The following KLHL32 variants were observed in gnomAD, a reference collection of about 807,000 sequenced individuals.
KLHL32 encodes kelch-like protein 32.
A neutral mutation model predicts 64.8 loss-of-function variants in KLHL32; 35 were observed. That is an observed-to-expected ratio of 0.54 (90% CI 0.41 to 0.72). The LOEUF (loss-of-function observed/expected upper bound fraction) is 0.72. Among genes scored for constraint, KLHL32 ranks in the 30% least tolerant of loss-of-function variants. The pLI, the probability that KLHL32 is intolerant of heterozygous loss-of-function variation, is 0.00. For synonymous variants in KLHL32, 259 were observed against 281.0 expected (o/e 0.92, Z 0.78); for missense variants, 589 against 768.5 (o/e 0.77, Z 2.76).
intron 3 of KLHL32, among the ~76,000 whole-genome samples, chr6:97,002,017 T>C (rs531701817): frequency 8.6e-4 from 131 of 152,300 alleles, no homozygotes; most frequent in African/African-American, 3.1e-3. Context: ...AGAACTGGCT[T>C]ACATGATTAT....
At position 97,106,062 on chromosome 6, in the gene KLHL32, T is replaced by C. The variant is rs546796903; in HGVS notation, c.628-7721T>C. The stretch of plus-strand genomic sequence containing the variant: ...AATATATATGGATATATACAAGCAG[T>C]TGGAATTCAAAACATCCACTTCTTT... On this transcript the variant is annotated intron_variant, in intron 6 of 10. Coordinates refer to ENST00000369261, the MANE Select transcript of KLHL32 (RefSeq NM_052904.4). Among the ~76,000 whole-genome samples the C allele has an allele frequency of 3.6e-4, 55 of 152,314 alleles. 2 individuals carry two copies. In the South Asian group the frequency reaches 0.011, roughly 32 times the overall value.
At chr6:97,127,143 G>C (rs898836506) in intron 7 of KLHL32, among the ~76,000 whole-genome samples, 1 of 152,194 alleles carries the variant, frequency 6.6e-6, no homozygotes, top group Non-Finnish European at 1.5e-5. Flanking sequence ...TGGCCATGCA[G>C]AACAGCTTGT....
At chr6:96,944,305 T>G (rs1263822797) in intron 1 of KLHL32, among the ~76,000 whole-genome samples, 1 of 152,246 alleles carries the variant, frequency 6.6e-6, no homozygotes, top group Non-Finnish European at 1.5e-5. Context: ...ATATTTGTTC[T>G]TGTTTTATTC....
intron 2 of KLHL32, among the ~76,000 whole-genome samples, chr6:96,970,427 G>T (rs1437678644): frequency 6.6e-6 from 1 of 152,144 alleles, no homozygotes; most frequent in Non-Finnish European, 1.5e-5. Flanking sequence ...AGCATTTGCT[G>T]TTCTCCTGCC....
Position 97,139,510 on chromosome 6 carries a change from G to A in KLHL32, c.*228G>A, listed in dbSNP as rs987688095. ...ATGACTTTTATTGTGGTATAGCTTA[G>A]TGCCAATTTAAGGTATATTGTGTTC... On this transcript the variant is annotated 3_prime_UTR_variant, in exon 11 of 11. Coordinates refer to ENST00000369261, the MANE Select transcript of KLHL32 (RefSeq NM_052904.4). 49 of 473,098 alleles carry A rather than the reference G, an allele frequency of 1.0e-4. No homozygotes were observed. The highest frequency in any genetic ancestry group is 1.5e-4 in the South Asian group (5 of 34,338). The allele number at this position is 473,098 out of a possible 1,614,324, so 29.3% of individuals were successfully genotyped here. A position where few individuals can be genotyped will look rare whatever the true frequency, so the allele number is the denominator to read the frequency against.
chr6:96,904,325 G>A, the KLHL32 span, among the ~76,000 whole-genome samples: 1 of 107,756 alleles, frequency 9.3e-6, no homozygotes. Flanking sequence ...CTGGGCAACA[G>A]AGCAAGACTT....
intron 3 of KLHL32, among the ~76,000 whole-genome samples, chr6:97,023,232 A>G (rs1036801322): frequency 2.0e-5 from 3 of 152,224 alleles, no homozygotes; most frequent in African/African-American, 7.2e-5. Flanking sequence ...AAAAGCCACA[A>G]TTTAGGTTTT....
intron 3 of KLHL32, among the ~76,000 whole-genome samples, chr6:96,995,462 A>G (rs114302305): frequency 2.6e-5 from 4 of 152,208 alleles, no homozygotes; most frequent in African/African-American, 4.8e-5. Context: ...AGATGACTCC[A>G]TGACTAACTT....
intron 3 of KLHL32, among the ~76,000 whole-genome samples, chr6:97,001,896 G>A (rs1021317531): frequency 2.0e-5 from 3 of 152,176 alleles, no homozygotes; most frequent in African/African-American, 4.8e-5. Context: ...TAAGAAGAGC[G>A]TTATACTGAT....
At chr6:97,035,525 G>A (rs187042961) in intron 3 of KLHL32, among the ~76,000 whole-genome samples, 1 of 152,218 alleles carries the variant, frequency 6.6e-6, no homozygotes, top group African/African-American at 2.4e-5. Context: ...AGGTCTAGGA[G>A]TGACAAACTC....
chr6:97,129,808 G>T (rs1799242960), intron 8 of KLHL32, among the ~76,000 whole-genome samples: 1 of 152,114 alleles, frequency 6.6e-6, no homozygotes, highest in Non-Finnish European at 1.5e-5. Flanking sequence ...ACTTGAACCT[G>T]GGAGGCGGAG....
chr6:97,039,889 A>G (rs537095649), intron 3 of KLHL32, among the ~76,000 whole-genome samples: 1 of 152,278 alleles, frequency 6.6e-6, no homozygotes, highest in South Asian at 2.1e-4. Context: ...AATAATTTGA[A>G]TGTTTTAAGC....
At chr6:97,055,482 G>A (rs898115587) in intron 4 of KLHL32, among the ~76,000 whole-genome samples, 3 of 152,184 alleles carry the variant, frequency 2.0e-5, no homozygotes, top group African/African-American at 7.2e-5. Flanking sequence ...CTCCTCTACT[G>A]CATTCTATTG....
chr6:97,037,443 C>G (rs1309386403), intron 3 of KLHL32, among the ~76,000 whole-genome samples: 1 of 151,616 alleles, frequency 6.6e-6, no homozygotes, highest in African/African-American at 2.4e-5. Flanking sequence ...TTCAATAGTA[C>G]AAAGAATATA....
chr6:97,031,142 G>A (rs923524909), intron 3 of KLHL32, among the ~76,000 whole-genome samples: 6 of 152,140 alleles, frequency 3.9e-5, no homozygotes, highest in Non-Finnish European at 5.9e-5. Context: ...AGTTTGGATA[G>A]ACTAGGCAAC....
chr6:97,016,592 T>C (rs571823697), intron 3 of KLHL32, among the ~76,000 whole-genome samples: 1 of 152,346 alleles, frequency 6.6e-6, no homozygotes, highest in South Asian at 2.1e-4. Context: ...ACTTTCCTTG[T>C]CTTAGATGAG....
intron 3 of KLHL32, among the ~76,000 whole-genome samples, chr6:96,979,422 GA>G (rs1402679140): frequency 3.9e-5 from 6 of 151,934 alleles, no homozygotes; most frequent in Non-Finnish European, 8.8e-5. Context: ...TGTTTTCATT[GA>G]CTTTGTCAAA....
intron 4 of KLHL32, among the ~76,000 whole-genome samples, chr6:97,059,707 A>G (rs1408597895): frequency 2.6e-5 from 4 of 152,324 alleles, no homozygotes; most frequent in South Asian, 4.1e-4. Flanking sequence ...ATTGGTAGAA[A>G]TTTCTCATAG....
intron 1 of KLHL32, among the ~76,000 whole-genome samples, chr6:96,951,556 G>A (rs72924795): frequency 0.13 from 19,021 of 152,020 alleles, 1,530 homozygotes; most frequent in East Asian, 0.26. Context: ...CTTAGAGTTT[G>A]CCATCACTAC....
Sources: allele counts gnomAD v4.1 joint callset (sites outside exome capture counted in the v4.1 genomes callset), GRCh38; gene constraint gnomAD v4.1.1; transcripts MANE v1.5; gene names NCBI Gene and HGNC (gene_info 2026-07-23, HGNC 2026-07-21).